Variants in LRRIQ1 observed in about 807,000 individuals in gnomAD.
The protein encoded by LRRIQ1 is leucine-rich repeat- and IQ domain-containing protein 1.
Under a neutral mutation model 211.9 loss-of-function variants are expected in LRRIQ1, and 210 were observed. That is an observed-to-expected ratio of 0.99 (90% CI 0.89 to 1.11). The LOEUF (loss-of-function observed/expected upper bound fraction) is 1.11. Among genes scored for constraint, LRRIQ1 ranks in the 50% most tolerant of loss-of-function variants. The pLI, the probability that LRRIQ1 is intolerant of heterozygous loss-of-function variation, is 0.00. For missense variants in LRRIQ1, 2,136 were observed against 1,939.5 expected, an observed-to-expected ratio of 1.10 and a Z score of -1.90; for synonymous variants, 699 against 650.1, an observed-to-expected ratio of 1.08 and a Z score of -1.14.
intron 11 of LRRIQ1, among the ~76,000 whole-genome samples, chr12:85,097,433 A>G (rs1036081440): frequency 9.1e-5 from 8 of 88,000 alleles, no homozygotes; most frequent in African/African-American, 3.6e-4. Context: ...CACAGGCCCC[A>G]GTGTGTGATG....
intron 24 of LRRIQ1, 125 bp from the exon 25 acceptor site, chr12:85,229,392 T>A (rs1232583575): frequency 2.3e-5 from 16 of 700,216 alleles, no homozygotes; most frequent in Non-Finnish European, 3.6e-5. Context: ...TTCTTACAGA[T>A]TTAGCTCTCA....
intron 1 of LRRIQ1, among the ~76,000 whole-genome samples, chr12:85,254,100 T>C (rs951512372): frequency 5.3e-5 from 8 of 151,982 alleles, no homozygotes; most frequent in African/African-American, 1.9e-4. Flanking sequence ...CCTACCCCCT[T>C]GCTCTCTCTT....
At chr12:85,061,298 G>A (rs922799390) in intron 8 of LRRIQ1, among the ~76,000 whole-genome samples, 2 of 151,642 alleles carry the variant, frequency 1.3e-5, no homozygotes, top group African/African-American at 4.8e-5. Flanking sequence ...TGTCATACAT[G>A]TATCCATAAT....
chr12:85,097,974 C>A (rs1475170160), intron 11 of LRRIQ1, among the ~76,000 whole-genome samples: 1 of 152,020 alleles, frequency 6.6e-6, no homozygotes, highest in Non-Finnish European at 1.5e-5. Flanking sequence ...ATACATGCAA[C>A]CTGAAGCAAG....
chr12:85,091,550 T>C (rs1369154017), intron 11 of LRRIQ1, among the ~76,000 whole-genome samples: 1 of 152,198 alleles, frequency 6.6e-6, no homozygotes, highest in Non-Finnish European at 1.5e-5. Flanking sequence ...CAATTGCTTT[T>C]GGGGACTTAG....
chr12:85,236,593 T>A (rs991306761), intron 26 of LRRIQ1, among the ~76,000 whole-genome samples: 1 of 151,846 alleles, frequency 6.6e-6, no homozygotes, highest in African/African-American at 2.4e-5. Flanking sequence ...AATGTGAAAA[T>A]CCTTGTGTAC....
At chr12:85,151,076 A>G (rs1402303509) in intron 19 of LRRIQ1, among the ~76,000 whole-genome samples, 1 of 151,462 alleles carries the variant, frequency 6.6e-6, no homozygotes. Context: ...TTCCTCTCAT[A>G]TAACTGACAA....
Position 85,132,274 on chromosome 12 carries a change from T to C in LRRIQ1, c.4209+4241T>C, listed in dbSNP as rs1003010735. Among the ~76,000 whole-genome samples, 15 of 152,016 alleles carry C rather than the reference T, an allele frequency of 9.9e-5. No homozygotes were observed. The South Asian group carries it at 1.7e-3, about 17-fold the overall frequency. ...GGAAGGTAGGTAAAAAAAAAAGATA[T>C]GATGACCTCAGGAAAAAAGATAATC... On this transcript the variant is annotated intron_variant, in intron 18 of 26. Coordinates refer to ENST00000393217, the MANE Select transcript of LRRIQ1 (RefSeq NM_001079910.2).
At chr12:85,088,920 A>T (rs989725081) in intron 11 of LRRIQ1, among the ~76,000 whole-genome samples, 6 of 152,162 alleles carry the variant, frequency 3.9e-5, no homozygotes, top group Admixed American at 2.0e-4. Flanking sequence ...TTCCTAATTG[A>T]ATACCATTTA....
intron 24 of LRRIQ1, among the ~76,000 whole-genome samples, chr12:85,225,631 G>T (rs1303696627): frequency 1.3e-5 from 2 of 152,104 alleles, no homozygotes; most frequent in African/African-American, 4.8e-5. Context: ...TTTTTCTTAG[G>T]TTGATAATAT....
At chr12:85,174,320 G>A (rs1891574167) in intron 24 of LRRIQ1, among the ~76,000 whole-genome samples, 1 of 151,610 alleles carries the variant, frequency 6.6e-6, no homozygotes, top group African/African-American at 2.4e-5. Context: ...GAAACCAGAG[G>A]AAAAATACAA....
At chr12:85,142,670 C>T (rs1467151570) in intron 19 of LRRIQ1, among the ~76,000 whole-genome samples, 1 of 151,516 alleles carries the variant, frequency 6.6e-6, no homozygotes, top group African/African-American at 2.4e-5. Context: ...ATACTCTCTA[C>T]TTCTGTGATA....
Position 85,055,547 on chromosome 12 carries a change from G to T in LRRIQ1, c.754G>T (p.Glu252Ter). The change falls in exon 8 of 27, where the codon GAG becomes TAG. Residue 252 changes from glutamate (E) to a stop codon, truncating the protein, a stop_gained and splice_region_variant. Coordinates refer to ENST00000393217, the MANE Select transcript of LRRIQ1 (RefSeq NM_001079910.2). LOFTEE classifies it high-confidence loss of function. ...IWKEKFKQHE[E>*]YIRNLHLQME... The stretch of plus-strand genomic sequence containing the variant: ...TACCATGTATCTTACTTTGTTTTAG[G>T]AGTATATTAGAAACTTGCATTTACA... 6.6e-7 allele frequency: 1 copy of T among 1,504,544 alleles called. No individual in the cohort carries two copies. Among genetic ancestry groups the T allele is most frequent in the Non-Finnish European group, 8.8e-7 (1 of 1,131,284 alleles). 93.2% of individuals were successfully genotyped at this position (1,504,544 alleles called of 1,614,324 possible). A position where few individuals can be genotyped will look rare whatever the true frequency, so the allele number is the denominator to read the frequency against.
chr12:85,224,754 A>C, intron 24 of LRRIQ1, among the ~76,000 whole-genome samples: 1 of 128,532 alleles, frequency 7.8e-6, no homozygotes, highest in Admixed American at 7.8e-5. Flanking sequence ...GGGCTAGGGG[A>C]GGGATAGCAT....
In LRRIQ1 at chr12:85,055,976, A is replaced by C. The variant is rs1268349844; in HGVS notation, c.1183A>C (p.Ile395Leu). The C allele has an allele frequency of 6.2e-7, 1 of 1,609,966 alleles. No homozygotes were observed. The highest frequency in any genetic ancestry group is 1.7e-5 in the Admixed American group (1 of 59,666). Reference sequence around the variant, plus strand: ...AAGAGAAGATGCAAGCCAACAGCTAATAATAAGTAGTGCATTAAAGAAGAG... The same window carrying C: ...AAGAGAAGATGCAAGCCAACAGCTACTAATAAGTAGTGCATTAAAGAAGAG... ...ILREDASQQL[I>L]ISSALKKSGY... The change falls in exon 8 of 27, where the codon ATA (isoleucine) becomes CTA (leucine). Residue 395 changes from isoleucine (I) to leucine (L), a missense_variant. Coordinates refer to ENST00000393217, the MANE Select transcript of LRRIQ1 (RefSeq NM_001079910.2).
At chr12:85,154,290 C>G (rs1007086711) in intron 23 of LRRIQ1, among the ~76,000 whole-genome samples, 196 bp downstream of exon 23, 1 of 137,260 alleles carries the variant, frequency 7.3e-6, no homozygotes, top group Non-Finnish European at 1.6e-5. Context: ...CTCTTAAACA[C>G]TATTTTTACT....
downstream of LRRIQ1, among the ~76,000 whole-genome samples, chr12:85,248,880 C>CACAAAT (rs1895814491): frequency 6.6e-6 from 1 of 151,364 alleles, no homozygotes; most frequent in Non-Finnish European, 1.5e-5. Context: ...TCTGTCTGGG[C>CACAAAT]CAGAGGTTCC....
At chr12:85,099,590 A>G (rs1054101980) in intron 13 of LRRIQ1, among the ~76,000 whole-genome samples, 1 of 151,894 alleles carries the variant, frequency 6.6e-6, no homozygotes, top group Non-Finnish European at 1.5e-5. Context: ...CAGGAGCACA[A>G]TATGTGTATT....
intron 26 of LRRIQ1, among the ~76,000 whole-genome samples, chr12:85,236,855 A>ATATATATATATC (rs1401058179): frequency 1.1e-4 from 16 of 144,744 alleles, no homozygotes; most frequent in Admixed American, 9.6e-4. Flanking sequence ...ATATATATAT[A>ATATATATATATC]TCTCCCAGAT....
Sources: allele counts gnomAD v4.1 joint callset (sites outside exome capture counted in the v4.1 genomes callset), GRCh38; gene constraint gnomAD v4.1.1; transcripts MANE v1.5; gene names NCBI Gene and HGNC (gene_info 2026-07-23, HGNC 2026-07-21).